ZNF385B: variants seen among roughly 807,000 people sequenced by gnomAD.
ZNF385B encodes zinc finger protein 533.
In ZNF385B, 23 loss-of-function variants were observed where a neutral mutation model predicts 39.2. The observed-to-expected ratio is 0.59, with a 90% CI of 0.42 to 0.83. The LOEUF (loss-of-function observed/expected upper bound fraction) is 0.83, where lower values mean the gene tolerates loss of function less well. Among genes scored for constraint, ZNF385B ranks in the 40% least tolerant of loss-of-function variants. The probability of loss-of-function intolerance (pLI) is 0.00; values close to 1 mark genes in which losing one functional copy is unlikely to be tolerated. For missense variants in ZNF385B, 552 were observed against 598.9 expected (o/e 0.92, Z 0.82); for synonymous variants, 205 against 222.6 (o/e 0.92, Z 0.70).
chr2:179,453,652 C>T (rs912741149), intron 6 of ZNF385B, among the ~76,000 whole-genome samples: 1 of 152,146 alleles, frequency 6.6e-6, no homozygotes, highest in African/African-American at 2.4e-5. Context: ...AACCTATAAT[C>T]TCAGTTTGGC....
intron 3 of ZNF385B, among the ~76,000 whole-genome samples, chr2:179,627,342 T>G (rs1690751002): frequency 6.6e-6 from 1 of 152,146 alleles, no homozygotes; most frequent in African/African-American, 2.4e-5. Flanking sequence ...GATATTAGCA[T>G]GAAGGATCAC....
intron 3 of ZNF385B, among the ~76,000 whole-genome samples, chr2:179,751,735 A>T (rs1702688662): frequency 6.6e-6 from 1 of 152,032 alleles, no homozygotes; most frequent in African/African-American, 2.4e-5. Flanking sequence ...AAATAAAATT[A>T]TGTATAACAC....
chr2:179,608,239 T>C (rs1688989328), intron 3 of ZNF385B, among the ~76,000 whole-genome samples: 1 of 152,172 alleles, frequency 6.6e-6, no homozygotes, highest in Admixed American at 6.5e-5. Context: ...AACTGCTCCC[T>C]TCTTTTTCTT....
chr2:179,860,662 A>T (rs938683583), intron 1 of ZNF385B, among the ~76,000 whole-genome samples: 32 of 151,546 alleles, frequency 2.1e-4, no homozygotes, highest in African/African-American at 7.8e-4. Flanking sequence ...CTCCTCACAC[A>T]CCTCGGTCCC....
intron 1 of ZNF385B, among the ~76,000 whole-genome samples, chr2:179,784,432 T>C (rs993130012): frequency 6.6e-6 from 1 of 151,876 alleles, no homozygotes; most frequent in Non-Finnish European, 1.5e-5. Flanking sequence ...TGTTTACCTA[T>C]GTAACATACT....
intron 3 of ZNF385B, among the ~76,000 whole-genome samples, chr2:179,700,252 C>G (rs918961959): frequency 5.9e-5 from 9 of 152,186 alleles, no homozygotes; most frequent in African/African-American, 2.2e-4. Context: ...TCAAAATGTA[C>G]CCTTGTATTA....
chr2:179,604,746 C>G (rs1688666861), intron 3 of ZNF385B, among the ~76,000 whole-genome samples: 1 of 152,038 alleles, frequency 6.6e-6, no homozygotes, highest in African/African-American at 2.4e-5. Context: ...TTCTTGTCTA[C>G]TTATAAATAC....
At chr2:179,785,902 TAATGTGGATAAATTGTTATCA>T (rs1360634920) in intron 1 of ZNF385B, among the ~76,000 whole-genome samples, 4 of 152,194 alleles carry the variant, frequency 2.6e-5, no homozygotes, top group African/African-American at 9.6e-5. Flanking sequence ...AAAGAAGTTC[TAATGTGGATAAATTGTTATCA>T]AACAGCATTG....
chr2:179,814,219 G>C (rs888343323), intron 1 of ZNF385B: 5 of 181,668 alleles, frequency 2.8e-5, no homozygotes, highest in Non-Finnish European at 4.7e-5. Flanking sequence ...ATTGGCACCT[G>C]GCCTTGGGCA....
At chr2:179,671,688 T>C (rs753122554) in intron 3 of ZNF385B, among the ~76,000 whole-genome samples, 1 of 152,220 alleles carries the variant, frequency 6.6e-6, no homozygotes, top group Non-Finnish European at 1.5e-5. Context: ...ATTGTAGCCC[T>C]GTTCCCCCAG....
chr2:179,537,982 G>A (rs1347887261), intron 4 of ZNF385B, among the ~76,000 whole-genome samples: 1 of 151,782 alleles, frequency 6.6e-6, no homozygotes, highest in Non-Finnish European at 1.5e-5. Flanking sequence ...AGTAACCATG[G>A]AAAATTTCAT....
At chr2:179,600,361 G>A (rs937045280) in intron 3 of ZNF385B, among the ~76,000 whole-genome samples, 4 of 152,184 alleles carry the variant, frequency 2.6e-5, no homozygotes, top group African/African-American at 9.6e-5. Context: ...AATTAAAGAA[G>A]GAGGTTTAGC....
At chr2:179,510,467 G>GT (rs930620373) in intron 5 of ZNF385B, among the ~76,000 whole-genome samples, 15 of 151,148 alleles carry the variant, frequency 9.9e-5, no homozygotes, top group African/African-American at 2.2e-4. Context: ...AATGTTCAAA[G>GT]TTTTTTTTTG....
chr2:179,447,893 G>C (rs1034720240), intron 6 of ZNF385B, among the ~76,000 whole-genome samples: 2 of 151,986 alleles, frequency 1.3e-5, no homozygotes, highest in Non-Finnish European at 2.9e-5. Flanking sequence ...AGAACACATT[G>C]CAAATGATGG....
intron 3 of ZNF385B, among the ~76,000 whole-genome samples, chr2:179,554,893 A>G (rs2060805587): frequency 6.7e-6 from 1 of 149,450 alleles, no homozygotes; most frequent in Non-Finnish European, 1.5e-5. Context: ...CTAGAACTCT[A>G]TATTAAAGTG....
intron 3 of ZNF385B, among the ~76,000 whole-genome samples, chr2:179,716,694 G>A (rs1391266236): frequency 6.6e-6 from 1 of 152,156 alleles, no homozygotes. Context: ...TGGTAAAAGT[G>A]GCAGTGAATG....
chr2:179,496,330 A>AC (rs2056203211), intron 5 of ZNF385B, among the ~76,000 whole-genome samples: 1 of 152,154 alleles, frequency 6.6e-6, no homozygotes, highest in Non-Finnish European at 1.5e-5. Flanking sequence ...AATGAAGTAT[A>AC]CCCACAGGAT....
At chr2:179,686,732 G>T (rs1386671846) in intron 3 of ZNF385B, among the ~76,000 whole-genome samples, 2 of 152,124 alleles carry the variant, frequency 1.3e-5, no homozygotes, top group Admixed American at 1.3e-4. Flanking sequence ...AATCTTGTGA[G>T]AAATCAGCTA....
chr2:179,707,362 A>G (rs1333246236), intron 3 of ZNF385B, among the ~76,000 whole-genome samples: 2 of 152,196 alleles, frequency 1.3e-5, no homozygotes, highest in Non-Finnish European at 2.9e-5. Flanking sequence ...CACCTCTATG[A>G]TGCCAATAAT....
Sources: gnomAD v4.1 joint callset for allele counts (sites outside exome capture counted in the v4.1 genomes callset) on GRCh38, gnomAD v4.1.1 for gene constraint, MANE v1.5 for transcripts, NCBI Gene and HGNC (gene_info 2026-07-23, HGNC 2026-07-21) for gene names.